The following KCNT1 variants were observed in gnomAD, a reference collection of about 807,000 sequenced individuals.
KCNT1 encodes the protein potassium sodium-activated channel subfamily T member 1, also known as potassium channel subfamily T member 1.
KCNT1 carries 78 observed loss-of-function variants against 147.8 expected under a neutral mutation model. That is an observed-to-expected ratio of 0.53 (90% CI 0.44 to 0.64). The LOEUF is 0.64. Ranked by LOEUF, KCNT1 falls within the 30% of genes least tolerant of loss-of-function variation. The probability of loss-of-function intolerance (pLI) is 0.00; values close to 1 mark genes in which losing one functional copy is unlikely to be tolerated. For missense variants in KCNT1, 1,419 were observed against 1,750.3 expected, an observed-to-expected ratio of 0.81 and a Z score of 3.38; for synonymous variants, 867 against 748.8, an observed-to-expected ratio of 1.16 and a Z score of -2.58.
chr9:135,715,533 G>A (rs193224035), intron 2 of KCNT1, among the ~76,000 whole-genome samples: 641 of 47,862 alleles, frequency 0.013, 2 homozygotes, highest in African/African-American at 0.038. Context: ...GGCAGGGTCG[G>A]GGTTGTCACT....
chr9:135,735,542 G>A (rs1356437476), intron 2 of KCNT1, among the ~76,000 whole-genome samples: 2 of 152,138 alleles, frequency 1.3e-5, no homozygotes, highest in African/African-American at 2.4e-5. Context: ...AGGGTGGGGG[G>A]ATTCAGGGTG....
intron 2 of KCNT1, among the ~76,000 whole-genome samples, chr9:135,717,821 G>A (rs937980203): frequency 1.3e-5 from 2 of 152,248 alleles, no homozygotes; most frequent in African/African-American, 4.8e-5. Context: ...CAGGGAGCCT[G>A]GCCTGAAGGG....
chr9:135,791,457 G>T, intron 29 of KCNT1: 1 of 305,932 alleles, frequency 3.3e-6, no homozygotes, highest in Non-Finnish European at 6.2e-6. Context: ...TCTGCAGGCT[G>T]ACGTACGTGG....
chr9:135,784,899 C>A lies in KCNT1; in HGVS notation c.3156+10C>A, dbSNP rs1244692602. On this transcript the variant is annotated intron_variant, in intron 27 of 30. Coordinates refer to ENST00000371757, the MANE Select transcript of KCNT1 (RefSeq NM_020822.3). ...CTTCTCCACCTCGGAGGTTCTGGGG[C>A]AGCCTGGGGGCTGGGACTGTGGCAG... 1 of 1,611,272 alleles carries A rather than the reference C, an allele frequency of 6.2e-7. No homozygotes were observed. Among genetic ancestry groups the A allele is most frequent in the Non-Finnish European group, 8.5e-7 (1 of 1,179,756 alleles).
intron 2 of KCNT1, among the ~76,000 whole-genome samples, chr9:135,720,473 C>T (rs1835881841): frequency 1.3e-5 from 2 of 152,100 alleles, no homozygotes; most frequent in South Asian, 2.1e-4. Flanking sequence ...CCTGGGATTG[C>T]ATAAGTGCCC....
intron 29 of KCNT1, chr9:135,789,271 T>C (rs1409363610): frequency 6.6e-6 from 1 of 151,834 alleles, no homozygotes; most frequent in African/African-American, 2.4e-5. Flanking sequence ...GCGGCAGGCA[T>C]TTCCTGGGCT....
At chr9:135,713,178 G>A (rs1025849053) in intron 1 of KCNT1, among the ~76,000 whole-genome samples, 2 of 152,220 alleles carry the variant, frequency 1.3e-5, no homozygotes, top group Non-Finnish European at 2.9e-5. Context: ...AGTGAGGAAG[G>A]CACAAAATCA....
chr9:135,764,443 G>C (rs1313060595), intron 11 of KCNT1, among the ~76,000 whole-genome samples: 1 of 152,148 alleles, frequency 6.6e-6, no homozygotes, highest in Non-Finnish European at 1.5e-5. Flanking sequence ...CTGGGTGACA[G>C]AGTGAGCCTC....
chr9:135,711,633 A>G (rs1209527452), intron 1 of KCNT1, among the ~76,000 whole-genome samples: 1 of 152,206 alleles, frequency 6.6e-6, no homozygotes, highest in African/African-American at 2.4e-5. Context: ...GCACGTGACT[A>G]CGTGTGCACC....
At chr9:135,779,246 C>A (rs543964772) in intron 23 of KCNT1, 113 bp from the exon 24 acceptor site, 6 of 670,690 alleles carry the variant, frequency 8.9e-6, no homozygotes, top group African/African-American at 4.2e-5. Flanking sequence ...GAGACCCCCC[C>A]ACAGCCATGG....
Position 135,792,183 on chromosome 9 carries a change from G to C in KCNT1, c.*22G>C. On this transcript the variant is annotated 3_prime_UTR_variant, in exon 31 of 31. Coordinates refer to ENST00000371757, the MANE Select transcript of KCNT1 (RefSeq NM_020822.3). The stretch of plus-strand genomic sequence containing the variant: ...CTGAGCCAGCCCTGCACGGAGCTCA[G>C]GCCACCAAGCCCGGGGTCCTCAGGA... 8 of 1,598,996 alleles carry C rather than the reference G, an allele frequency of 5.0e-6. No homozygotes were observed. Among genetic ancestry groups the C allele is most frequent in the Non-Finnish European group, 6.8e-6 (8 of 1,176,518 alleles).
intron 2 of KCNT1, among the ~76,000 whole-genome samples, chr9:135,746,553 G>A (rs575963988): frequency 1.4e-4 from 21 of 152,372 alleles, no homozygotes; most frequent in Admixed American, 6.5e-4. Flanking sequence ...TTTCCTGGCT[G>A]TGGAGGCCAA....
chr9:135,731,840 G>A (rs13293374), intron 2 of KCNT1, among the ~76,000 whole-genome samples: 21,732 of 151,052 alleles, frequency 0.14, 1,725 homozygotes, highest in South Asian at 0.18. Context: ...CTCAGCTGAG[G>A]AGGTGGAGTA....
chr9:135,731,960 G>GTATATATACATA (rs1836456673), intron 2 of KCNT1, among the ~76,000 whole-genome samples: 2 of 41,414 alleles, frequency 4.8e-5, no homozygotes, highest in African/African-American at 1.8e-4. Context: ...AAATATGCGT[G>GTATATATACATA]TATATATATA....
At position 135,786,428 on chromosome 9, in the gene KCNT1, C is replaced by A. The variant is rs779430817; in HGVS notation, c.3409C>A (p.Arg1137Ser). The A allele has an allele frequency of 6.3e-7, 1 of 1,591,288 alleles. No homozygotes were observed. The highest frequency in any genetic ancestry group is 8.5e-7 in the Non-Finnish European group (1 of 1,169,916). ...AAAAEWISQQ[R>S]LSLYRRSERQ... The stretch of plus-strand genomic sequence containing the variant: ...GGCCGCGGAGTGGATCAGCCAGCAG[C>A]GCCTCAGCCTGTACCGGCGCTCTGA... Residue 1137 changes from arginine to serine, a missense_variant, in exon 29 of 31, where the codon CGC becomes AGC. By Grantham distance (110) the Arg-to-Ser change is moderately radical (BLOSUM62 -1). Around this residue, in one of 5 missense-constraint regions of KCNT1, gnomAD observed 306 missense variants for 294.2 expected, o/e 1.04. Coordinates refer to ENST00000371757, the MANE Select transcript of KCNT1 (RefSeq NM_020822.3).
At chr9:135,703,936 TCACACTGCAGGCAGAGCAGC>T (rs1198735953) in intron 1 of KCNT1, among the ~76,000 whole-genome samples, 1 of 152,212 alleles carries the variant, frequency 6.6e-6, no homozygotes, top group East Asian at 1.9e-4. Context: ...AGATTCCCTG[TCACACTGCAGGCAGAGCAGC>T]CGCCGGCAGT....
chr9:135,711,124 G>C (rs1199170769), intron 1 of KCNT1, among the ~76,000 whole-genome samples: 1 of 152,236 alleles, frequency 6.6e-6, no homozygotes, highest in Non-Finnish European at 1.5e-5. Flanking sequence ...CCCCCTTCAT[G>C]ACTCCTTGCT....
chr9:135,765,532 A>G, intron 12 of KCNT1, 92 bp from the exon 13 acceptor site: 2 of 1,366,332 alleles, frequency 1.5e-6, no homozygotes, highest in Non-Finnish European at 2.0e-6. Context: ...TAGGGCCCAG[A>G]GGTGGTGGGC....
chr9:135,765,584 G>A (rs745926619), intron 12 of KCNT1, 40 bp from the exon 13 acceptor site: 27 of 1,583,308 alleles, frequency 1.7e-5, no homozygotes, highest in Non-Finnish European at 2.2e-5. Context: ...GGCGGGGCAG[G>A]GGCTGGCTCA....
Sources: gnomAD v4.1 joint callset for allele counts (sites outside exome capture counted in the v4.1 genomes callset) on GRCh38, gnomAD v4.1.1 for gene constraint, gnomAD v4.1.1 regional missense constraint, MANE v1.5 for transcripts, NCBI Gene and HGNC (gene_info 2026-07-23, HGNC 2026-07-21) for gene names.